Variants in CTNND2 observed in about 807,000 individuals in gnomAD.
The protein encoded by CTNND2 is catenin delta 2, also known as catenin delta-2.
CTNND2 carries 22 observed loss-of-function variants against 144.4 expected under a neutral mutation model. The observed-to-expected ratio is 0.15, with a 90% CI of 0.11 to 0.22. The LOEUF is 0.22. CTNND2 is among the 10% of genes least tolerant of loss of function. CTNND2 has a pLI of 1.00. For missense variants in CTNND2, 1,353 were observed against 1,618.8 expected (o/e 0.84, Z 2.82); for synonymous variants, 751 against 695.6 (o/e 1.08, Z -1.25).
chr5:11,544,993 G>A lies in CTNND2; in HGVS notation c.287+19951C>T, dbSNP rs1169858038. ...AAAAATTAGCCGGGTGTGATGACGCGTGTCTGTAATCCCAGCTACTTGGGA... is the reference window on the plus strand; with the variant it reads ...AAAAATTAGCCGGGTGTGATGACGCATGTCTGTAATCCCAGCTACTTGGGA... On this transcript the variant is annotated intron_variant, in intron 3 of 21. Transcript: ENST00000304623. Among the ~76,000 whole-genome samples, 3 of 151,896 alleles carry A rather than the reference G, an allele frequency of 2.0e-5. No homozygotes were observed. In the East Asian group the frequency reaches 5.8e-4, roughly 29 times the overall value.
chr5:11,614,933 A>T (rs1780510391), intron 2 of CTNND2, among the ~76,000 whole-genome samples: 1 of 152,226 alleles, frequency 6.6e-6, no homozygotes, highest in South Asian at 2.1e-4. Flanking sequence ...AAATGAATAT[A>T]CATATAGCAA....
At chr5:11,177,399 T>G (rs1321104397) in intron 11 of CTNND2, among the ~76,000 whole-genome samples, 1 of 152,142 alleles carries the variant, frequency 6.6e-6, no homozygotes, top group South Asian at 2.1e-4. Context: ...ACACTGTCTA[T>G]AGTCAGGACA....
chr5:11,517,509 G>T (rs2150034311), intron 3 of CTNND2, among the ~76,000 whole-genome samples: 1 of 152,108 alleles, frequency 6.6e-6, no homozygotes, highest in Non-Finnish European at 1.5e-5. Context: ...ACAATGTGAT[G>T]CTTTGATGTA....
At chr5:11,077,483 G>A (rs945995895) in intron 16 of CTNND2, among the ~76,000 whole-genome samples, 2 of 152,190 alleles carry the variant, frequency 1.3e-5, no homozygotes, top group Non-Finnish European at 2.9e-5. Flanking sequence ...CTCAGAGCAT[G>A]TAATATAGGA....
chr5:11,032,466 T>C (rs1047946561), intron 16 of CTNND2, among the ~76,000 whole-genome samples: 1 of 152,130 alleles, frequency 6.6e-6, no homozygotes, highest in Non-Finnish European at 1.5e-5. Context: ...ATGCAAAAAA[T>C]ATATATTTTA....
At chr5:11,882,909 T>C (rs1332557372) in intron 1 of CTNND2, among the ~76,000 whole-genome samples, 1 of 152,174 alleles carries the variant, frequency 6.6e-6, no homozygotes, top group African/African-American at 2.4e-5. Context: ...TATGGACATA[T>C]TAATTTTAAC....
intron 3 of CTNND2, among the ~76,000 whole-genome samples, chr5:11,471,592 T>C: frequency 6.6e-6 from 1 of 152,240 alleles, no homozygotes; most frequent in South Asian, 2.1e-4. Context: ...TTGAGAGCAC[T>C]TGATACTAAT....
At chr5:11,070,410 CAAAACTAAAG>C (rs1748128994) in intron 16 of CTNND2, among the ~76,000 whole-genome samples, 1 of 151,852 alleles carries the variant, frequency 6.6e-6, no homozygotes, top group African/African-American at 2.4e-5. Context: ...TAGAAATTAT[CAAAACTAAAG>C]CACAAAGTGA....
chr5:11,515,319 C>A (rs750475274), intron 3 of CTNND2, among the ~76,000 whole-genome samples: 4 of 152,150 alleles, frequency 2.6e-5, no homozygotes, highest in Non-Finnish European at 4.4e-5. Context: ...AATGAAGCTA[C>A]TATCCTCTTT....
chr5:11,870,620 A>G (rs1735028913), intron 1 of CTNND2, among the ~76,000 whole-genome samples: 3 of 152,238 alleles, frequency 2.0e-5, no homozygotes, highest in African/African-American at 4.8e-5. Flanking sequence ...GCTTTTACAG[A>G]GCAAAGCAAG....
chr5:11,099,615 T>C (rs1417054257), intron 14 of CTNND2, among the ~76,000 whole-genome samples: 1 of 152,150 alleles, frequency 6.6e-6, no homozygotes, highest in Non-Finnish European at 1.5e-5. Flanking sequence ...GTAATTATCA[T>C]AAAAATTTAC....
chr5:11,299,518 C>T (rs904693726), intron 9 of CTNND2, among the ~76,000 whole-genome samples: 2 of 152,148 alleles, frequency 1.3e-5, no homozygotes, highest in African/African-American at 4.8e-5. Context: ...GCAGCCTCTC[C>T]CGTTCCCACC....
chr5:11,078,360 C>T (rs954704676), intron 16 of CTNND2, among the ~76,000 whole-genome samples: 3 of 152,174 alleles, frequency 2.0e-5, no homozygotes, highest in East Asian at 1.9e-4. Flanking sequence ...TCAAATTCTG[C>T]TATTCTCAGT....
chr5:11,514,512 A>G (rs972904033), intron 3 of CTNND2, among the ~76,000 whole-genome samples: 1 of 152,188 alleles, frequency 6.6e-6, no homozygotes. Flanking sequence ...CTGTACGTAT[A>G]ATTGCACAAC....
chr5:11,101,073 C>T (rs567383982), intron 14 of CTNND2, among the ~76,000 whole-genome samples: 2 of 152,278 alleles, frequency 1.3e-5, no homozygotes, highest in Non-Finnish European at 2.9e-5. Flanking sequence ...CACAGATAAT[C>T]TTTGATGGCA....
At chr5:11,136,598 T>C (rs1180928358) in intron 12 of CTNND2, among the ~76,000 whole-genome samples, 1 of 152,140 alleles carries the variant, frequency 6.6e-6, no homozygotes, top group African/African-American at 2.4e-5. Context: ...CTCTCCTCTT[T>C]CCCACACACC....
chr5:11,385,781 C>T (rs574740836), intron 6 of CTNND2: 4 of 152,006 alleles, frequency 2.6e-5, no homozygotes, highest in Non-Finnish European at 5.9e-5. Context: ...GCTATTGTCG[C>T]GTGGATTCTT....
rs1044276017 is a variant in CTNND2, at chr5:11,719,024, GT to G, written c.174+13111del. On this transcript the variant is annotated intron_variant, in intron 2 of 21. Transcript: ENST00000304623. The stretch of plus-strand genomic sequence containing the variant: ...CATGGGCATCCTAATAAACTAATAT[GT>G]GTTTGTAAAATGTGTGTTATTATAT... Among the ~76,000 whole-genome samples, 20 of 152,298 alleles carry G rather than the reference GT, an allele frequency of 1.3e-4. 1 individual carries two copies. The highest frequency in any genetic ancestry group is 3.6e-4 in the African/African-American group (15 of 41,564).
chr5:11,662,135 A>ATG (rs1561668684), intron 2 of CTNND2, among the ~76,000 whole-genome samples: 2 of 134,220 alleles, frequency 1.5e-5, no homozygotes, highest in African/African-American at 6.3e-5. Context: ...ATATACATAT[A>ATG]TGTATATATA....
Sources: allele counts gnomAD v4.1 joint callset (sites outside exome capture counted in the v4.1 genomes callset), GRCh38; gene constraint gnomAD v4.1.1; transcripts MANE v1.5; gene names NCBI Gene and HGNC (gene_info 2026-07-23, HGNC 2026-07-21).